The following SLCO3A1 variants were observed in gnomAD, a reference collection of about 807,000 sequenced individuals.
SLCO3A1 encodes PGE1 transporter.
Under a neutral mutation model 63.1 loss-of-function variants are expected in SLCO3A1, and 27 were observed. That is an observed-to-expected ratio of 0.43 (90% CI 0.32 to 0.59). The LOEUF is 0.59. Ranked by LOEUF, SLCO3A1 falls within the 20% of genes least tolerant of loss-of-function variation. The pLI is 0.09. For missense variants in SLCO3A1, 773 were observed against 945.8 expected, an observed-to-expected ratio of 0.82 and a Z score of 2.40; for synonymous variants, 473 against 409.9, an observed-to-expected ratio of 1.15 and a Z score of -1.86.
intron 2 of SLCO3A1, among the ~76,000 whole-genome samples, chr15:92,062,449 T>A (rs1476437357): frequency 6.6e-6 from 1 of 152,106 alleles, no homozygotes; most frequent in East Asian, 1.9e-4. Context: ...AAGTGTGAAT[T>A]GCATCCGGAA....
intron 7 of SLCO3A1, among the ~76,000 whole-genome samples, chr15:92,141,848 G>A (rs2190748): frequency 0.47 from 71,392 of 152,008 alleles, 17,657 homozygotes; most frequent in African/African-American, 0.63. Context: ...CACAAGCCCA[G>A]TAAAGGAGCT....
At chr15:91,896,598 C>T (rs1898010337) in intron 1 of SLCO3A1, among the ~76,000 whole-genome samples, 1 of 152,214 alleles carries the variant, frequency 6.6e-6, no homozygotes, top group South Asian at 2.1e-4. Flanking sequence ...GGCAAATCTT[C>T]TGTGCACACT....
intron 2 of SLCO3A1, among the ~76,000 whole-genome samples, chr15:92,009,785 T>A (rs2046349579): frequency 6.6e-6 from 1 of 152,190 alleles, no homozygotes; most frequent in Non-Finnish European, 1.5e-5. Flanking sequence ...CAAAGAGAAG[T>A]AACATGAAGC....
chr15:91,917,071 G>A (rs917026332), intron 2 of SLCO3A1, among the ~76,000 whole-genome samples: 2 of 152,232 alleles, frequency 1.3e-5, no homozygotes, highest in African/African-American at 4.8e-5. Flanking sequence ...CCACTTGTGC[G>A]TGGGGGTTAA....
At chr15:91,873,711 A>G (rs1213953656) in intron 1 of SLCO3A1, among the ~76,000 whole-genome samples, 3 of 152,158 alleles carry the variant, frequency 2.0e-5, no homozygotes, top group African/African-American at 7.2e-5. Context: ...ACTCCTAACA[A>G]AATTAAGTAG....
intron 2 of SLCO3A1, among the ~76,000 whole-genome samples, chr15:91,971,102 C>A (rs1900842813): frequency 6.6e-6 from 1 of 152,046 alleles, no homozygotes; most frequent in African/African-American, 2.4e-5. Context: ...TGAGGTCAAA[C>A]AAGGTGACCT....
At chr15:92,127,198 G>A (rs1020479559) in intron 6 of SLCO3A1, among the ~76,000 whole-genome samples, 11 of 152,134 alleles carry the variant, frequency 7.2e-5, no homozygotes, top group East Asian at 1.9e-4. Flanking sequence ...GCCTGGCCCC[G>A]ACTTCGTGTT....
At chr15:91,981,424 A>C (rs1171831894) in intron 2 of SLCO3A1, among the ~76,000 whole-genome samples, 1 of 151,838 alleles carries the variant, frequency 6.6e-6, no homozygotes, top group African/African-American at 2.4e-5. Context: ...CATGCCCTTT[A>C]TGCTCCAGCC....
intron 1 of SLCO3A1, among the ~76,000 whole-genome samples, chr15:91,892,787 C>T (rs1242686059): frequency 5.9e-5 from 9 of 152,208 alleles, no homozygotes; most frequent in Admixed American, 3.3e-4. Flanking sequence ...CGTGACTACT[C>T]CCCAGTAAGT....
intron 9 of SLCO3A1, 129 bp downstream of exon 9, chr15:92,151,143 A>G: frequency 1.5e-6 from 1 of 684,052 alleles, no homozygotes; most frequent in African/African-American, 1.8e-5. Context: ...ATTAGTAAAT[A>G]AGAAATTTTA....
chr15:92,084,128 A>G (rs191722123), intron 2 of SLCO3A1, among the ~76,000 whole-genome samples: 4 of 152,368 alleles, frequency 2.6e-5, no homozygotes, highest in Admixed American at 2.6e-4. Context: ...TGATAAACGC[A>G]TATGAAGAAA....
At chr15:92,016,261 G>GAT (rs1275438559) in intron 2 of SLCO3A1, among the ~76,000 whole-genome samples, 4 of 117,524 alleles carry the variant, frequency 3.4e-5, no homozygotes, top group Non-Finnish European at 6.9e-5. Flanking sequence ...AGATTAGATA[G>GAT]ATAGATAGAT....
intron 2 of SLCO3A1, among the ~76,000 whole-genome samples, chr15:92,074,321 C>T (rs908921322): frequency 2.6e-5 from 4 of 152,150 alleles, no homozygotes; most frequent in Admixed American, 6.5e-5. Context: ...AACACCAACC[C>T]GAAAGATGCA....
chr15:92,163,565 A>T lies in SLCO3A1; in HGVS notation c.*430A>T, dbSNP rs1479991451. On this transcript the variant is annotated 3_prime_UTR_variant, in exon 10 of 10. Transcript: ENST00000318445. ...CTAAAATAAAAAAAATTAAAAAAAA[A>T]AAACCCACAAGTTGAAAACATTGCC... is the stretch of plus-strand genomic sequence containing the variant. The T allele has an allele frequency of 5.4e-5, 53 of 984,714 alleles. No homozygotes were observed. The Admixed American group carries it at 5.5e-4, about 10-fold the overall frequency. 61.0% of individuals were successfully genotyped at this position (984,714 alleles called of 1,614,324 possible). A position where few individuals can be genotyped will look rare whatever the true frequency, so the allele number is the denominator to read the frequency against.
intron 1 of SLCO3A1, among the ~76,000 whole-genome samples, chr15:91,861,146 G>A (rs1597064785): frequency 3.9e-5 from 6 of 152,224 alleles, no homozygotes. Flanking sequence ...CTTCAGGAGA[G>A]AGTCTGTGCT....
At chr15:92,153,257 AT>A (rs1416969532) in intron 9 of SLCO3A1, among the ~76,000 whole-genome samples, 2 of 152,022 alleles carry the variant, frequency 1.3e-5, no homozygotes, top group Non-Finnish European at 2.9e-5. Flanking sequence ...AAAAAAAAAA[AT>A]CATGAAAAAA....
downstream of SLCO3A1, among the ~76,000 whole-genome samples, chr15:92,169,214 C>T (rs773571516): frequency 6.6e-6 from 1 of 152,176 alleles, no homozygotes; most frequent in Non-Finnish European, 1.5e-5. Context: ...AAATGAGACT[C>T]GGAAGGTCCA....
chr15:92,080,045 T>C (rs2047323758), intron 2 of SLCO3A1, among the ~76,000 whole-genome samples: 3 of 152,240 alleles, frequency 2.0e-5, no homozygotes, highest in Admixed American at 2.0e-4. Flanking sequence ...GCCTTCACCC[T>C]GGTAAGGCCT....
chr15:91,901,730 A>G (rs771428065), intron 1 of SLCO3A1, among the ~76,000 whole-genome samples: 8 of 152,182 alleles, frequency 5.3e-5, no homozygotes, highest in African/African-American at 1.2e-4. Context: ...ATGAGTTGCC[A>G]TCTTTTCTTG....
Sources: allele counts gnomAD v4.1 joint callset (sites outside exome capture counted in the v4.1 genomes callset), GRCh38; gene constraint gnomAD v4.1.1; transcripts MANE v1.5; gene names NCBI Gene and HGNC (gene_info 2026-07-23, HGNC 2026-07-21).